PCDH15: variants seen among roughly 807,000 people sequenced by gnomAD.
PCDH15 encodes the protein protocadherin-15.
In PCDH15, 129 loss-of-function variants were observed where a neutral mutation model predicts 178.5. The observed-to-expected ratio is 0.72, with a 90% CI of 0.63 to 0.84. PCDH15 has a LOEUF of 0.84. Ranked by LOEUF, PCDH15 falls within the 40% of genes least tolerant of loss-of-function variation. PCDH15 has a pLI of 0.00. For missense variants in PCDH15, 2,230 were observed against 2,099.9 expected (o/e 1.06, Z -1.21); for synonymous variants, 800 against 732.0 (o/e 1.09, Z -1.50).
At chr10:53,996,305 A>G (rs2091843720) in intron 20 of PCDH15, among the ~76,000 whole-genome samples, 1 of 152,186 alleles carries the variant, frequency 6.6e-6, no homozygotes. Flanking sequence ...TAAAATAATG[A>G]CACTTAAGAT....
At chr10:54,169,237 T>C (rs1463564029) in intron 13 of PCDH15, among the ~76,000 whole-genome samples, 5 of 69,512 alleles carry the variant, frequency 7.2e-5, no homozygotes, top group East Asian at 4.0e-4. Flanking sequence ...TGACACTGCT[T>C]GATCGCCTCG....
At chr10:53,815,061 C>T (rs2076012761) in intron 35 of PCDH15, among the ~76,000 whole-genome samples, 1 of 151,880 alleles carries the variant, frequency 6.6e-6, no homozygotes, top group South Asian at 2.1e-4. Context: ...TTTGTTGTTC[C>T]ACACAGTCCC....
intron 2 of PCDH15, among the ~76,000 whole-genome samples, chr10:54,945,655 C>A (rs73265982): frequency 0.021 from 3,179 of 151,770 alleles, 119 homozygotes; most frequent in African/African-American, 0.072. Context: ...TTCCTTCACC[C>A]TACTCTAAAC....
intron 8 of PCDH15, among the ~76,000 whole-genome samples, chr10:54,246,651 T>C (rs978031676): frequency 6.6e-6 from 1 of 151,868 alleles, no homozygotes; most frequent in African/African-American, 2.4e-5. Context: ...ACGAACACTC[T>C]TGAGTATGTC....
chr10:54,190,196 G>T (rs935864216), intron 11 of PCDH15, among the ~76,000 whole-genome samples: 3 of 151,986 alleles, frequency 2.0e-5, no homozygotes, highest in African/African-American at 7.2e-5. Context: ...ATCCAAACTT[G>T]TCCCCTTCTT....
chr10:54,809,957 T>C (rs1952838046), intron 3 of PCDH15, among the ~76,000 whole-genome samples: 2 of 152,168 alleles, frequency 1.3e-5, no homozygotes, highest in South Asian at 4.1e-4. Flanking sequence ...TAAAAGTACA[T>C]TTTGGGGGAA....
intron 28 of PCDH15, among the ~76,000 whole-genome samples, chr10:53,855,710 G>A (rs1359615805): frequency 6.6e-6 from 1 of 151,534 alleles, no homozygotes; most frequent in Non-Finnish European, 1.5e-5. Flanking sequence ...AATTGACAGT[G>A]ACGATAATTG....
chr10:54,737,813 G>A (rs370407942), intron 1 of PCDH15, among the ~76,000 whole-genome samples: 5 of 152,250 alleles, frequency 3.3e-5, no homozygotes. Flanking sequence ...TAAGAATACA[G>A]TAATGAAAAA....
At chr10:54,599,047 T>A (rs1446500344) in intron 2 of PCDH15, among the ~76,000 whole-genome samples, 1 of 152,130 alleles carries the variant, frequency 6.6e-6, no homozygotes, top group Admixed American at 6.6e-5. Context: ...AATGACCATA[T>A]TGCCCAAAGC....
At chr10:54,832,134 T>C (rs531821385) in intron 3 of PCDH15, among the ~76,000 whole-genome samples, 1 of 152,110 alleles carries the variant, frequency 6.6e-6, no homozygotes, top group Non-Finnish European at 1.5e-5. Flanking sequence ...GATGCCAAGA[T>C]GGGCTCATGA....
intron 2 of PCDH15, among the ~76,000 whole-genome samples, chr10:55,618,453 C>G (rs1305432942): frequency 2.0e-5 from 3 of 151,914 alleles, no homozygotes; most frequent in Non-Finnish European, 4.4e-5. Flanking sequence ...TATAGTTTAC[C>G]TTTCAGTATC....
intron 21 of PCDH15, among the ~76,000 whole-genome samples, chr10:53,975,469 A>G (rs1397288914): frequency 1.3e-5 from 2 of 151,992 alleles, no homozygotes; most frequent in African/African-American, 2.4e-5. Context: ...TTAATAATCA[A>G]TACTCTGACT....
chr10:54,133,892 T>C (rs1415354263), intron 14 of PCDH15, among the ~76,000 whole-genome samples: 9 of 138,230 alleles, frequency 6.5e-5, no homozygotes, highest in African/African-American at 2.0e-4. Context: ...TACACATATA[T>C]ACACACACAT....
chr10:55,121,906 G>A (rs1219829917), intron 2 of PCDH15, among the ~76,000 whole-genome samples: 1 of 152,134 alleles, frequency 6.6e-6, no homozygotes, highest in Non-Finnish European at 1.5e-5. Flanking sequence ...TCAGAGCTGT[G>A]AGAAATAAAT....
At chr10:54,336,531 C>G (rs1420027011) in intron 6 of PCDH15, among the ~76,000 whole-genome samples, 1 of 152,178 alleles carries the variant, frequency 6.6e-6, no homozygotes, top group East Asian at 1.9e-4. Flanking sequence ...ATAGCTCAGG[C>G]TGCGGCTTCA....
chr10:55,538,131 T>C (rs756724544), intron 2 of PCDH15, among the ~76,000 whole-genome samples: 4 of 152,198 alleles, frequency 2.6e-5, no homozygotes, highest in Non-Finnish European at 5.9e-5. Flanking sequence ...GATATCAGCC[T>C]GCAGGATCAC....
chr10:54,382,990 C>A (rs1949420338), intron 3 of PCDH15, among the ~76,000 whole-genome samples: 2 of 152,008 alleles, frequency 1.3e-5, no homozygotes, highest in Non-Finnish European at 2.9e-5. Flanking sequence ...AAGATTTTTA[C>A]AATCAGCAAT....
At chr10:54,970,887 C>T (rs1268751137) in intron 2 of PCDH15, among the ~76,000 whole-genome samples, 2 of 152,074 alleles carry the variant, frequency 1.3e-5, no homozygotes, top group Non-Finnish European at 2.9e-5. Flanking sequence ...CTAATTCTTC[C>T]TTTTGAAATA....
At chr10:55,592,512 TAGGAATGATACC>T (rs1159681958) in intron 2 of PCDH15, among the ~76,000 whole-genome samples, 1 of 152,170 alleles carries the variant, frequency 6.6e-6, no homozygotes, top group Middle Eastern at 3.2e-3. Flanking sequence ...CCTATAGGAC[TAGGAATGATACC>T]AGGGTCCCTT....
Sources: gnomAD v4.1 joint callset for allele counts (sites outside exome capture counted in the v4.1 genomes callset) on GRCh38, gnomAD v4.1.1 for gene constraint, MANE v1.5 for transcripts, NCBI Gene and HGNC (gene_info 2026-07-23, HGNC 2026-07-21) for gene names.